SLC25A48: variants seen among roughly 807,000 people sequenced by gnomAD.
SLC25A48 encodes the protein solute carrier family 25 member 48, also known as CTC-321K16.1.
A neutral mutation model predicts 32.2 loss-of-function variants in SLC25A48; 29 were observed. The observed-to-expected ratio is 0.90, with a 90% CI of 0.67 to 1.23. The LOEUF (loss-of-function observed/expected upper bound fraction) is 1.23. Ranked by LOEUF, SLC25A48 falls within the 50% of genes most tolerant of loss-of-function variation. The probability of loss-of-function intolerance (pLI) is 0.00; values close to 1 mark genes in which losing one functional copy is unlikely to be tolerated. For missense variants in SLC25A48, 399 were observed against 422.7 expected (o/e 0.94, Z 0.49); for synonymous variants, 164 against 172.3 (o/e 0.95, Z 0.38).
intron 4 of SLC25A48, 126 bp from the exon 5 acceptor site, chr5:135,871,335 T>G: frequency 8.4e-7 from 1 of 1,186,760 alleles, no homozygotes; most frequent in Non-Finnish European, 1.2e-6. Flanking sequence ...GAAGGTCAGA[T>G]TTGGTAAAAG....
chr5:135,692,101 A>G (rs1429860026), intron 3 of SLC25A48, among the ~76,000 whole-genome samples: 1 of 152,146 alleles, frequency 6.6e-6, no homozygotes, highest in African/African-American at 2.4e-5. Context: ...GCGGATCCTG[A>G]GGTCAGGAGA....
At position 135,612,519 on chromosome 5, in the gene SLC25A48, A is replaced by G. The variant is rs1029940053; in HGVS notation, c.-848-16718A>G. ...TGTCCCCATTGACCCACCTCTTTTCATCTCTCCACCCCTGCCCTGCCACGT... is the reference window on the plus strand; with the variant it reads ...TGTCCCCATTGACCCACCTCTTTTCGTCTCTCCACCCCTGCCCTGCCACGT... On this transcript the variant is annotated intron_variant, in intron 1 of 10. Coordinates refer to the SLC25A48 transcript ENST00000646290. Among the ~76,000 whole-genome samples the G allele has an allele frequency of 1.5e-4, 23 of 151,948 alleles. No individual in the cohort carries two copies. In the Middle Eastern group the frequency reaches 0.01, roughly 68 times the overall value.
chr5:135,843,562 G>A (rs372224824), intron 2 of SLC25A48, among the ~76,000 whole-genome samples: 2 of 152,202 alleles, frequency 1.3e-5, no homozygotes, highest in Admixed American at 6.5e-5. Context: ...AATAACACAA[G>A]GTGATGGCAA....
At chr5:135,674,180 C>T (rs536952006) in intron 3 of SLC25A48, among the ~76,000 whole-genome samples, 2 of 152,038 alleles carry the variant, frequency 1.3e-5, no homozygotes, top group Non-Finnish European at 2.9e-5. Flanking sequence ...TTACAAGGTA[C>T]ATGTGATATT....
intron 3 of SLC25A48, among the ~76,000 whole-genome samples, chr5:135,782,638 A>T (rs7380516): frequency 0.51 from 58,170 of 114,352 alleles, 22,159 homozygotes; most frequent in Middle Eastern, 0.68. Flanking sequence ...CCCACTATCG[A>T]AAAGGCTGTA....
At chr5:135,683,318 G>A (rs570675783) in intron 3 of SLC25A48, among the ~76,000 whole-genome samples, 34 of 152,298 alleles carry the variant, frequency 2.2e-4, no homozygotes, top group Admixed American at 1.5e-3. Flanking sequence ...CAGTGTGGCA[G>A]GGACCAAAAT....
At chr5:135,663,997 C>T (rs569231672) in intron 3 of SLC25A48, among the ~76,000 whole-genome samples, 1 of 152,290 alleles carries the variant, frequency 6.6e-6, no homozygotes, top group African/African-American at 2.4e-5. Flanking sequence ...TGTGGGAAGC[C>T]TCAGGGTGTC....
chr5:135,693,475 G>C (rs1754192418), intron 3 of SLC25A48, among the ~76,000 whole-genome samples: 2 of 152,242 alleles, frequency 1.3e-5, no homozygotes, highest in South Asian at 4.1e-4. Flanking sequence ...AGAAGAGGAA[G>C]ATGCGGTGGT....
chr5:135,880,305 G>A lies in SLC25A48; in HGVS notation c.*7+208G>A, dbSNP rs116272218. 5.3e-4 allele frequency among the ~76,000 whole-genome samples: 80 copies of A among 152,114 alleles called. 1 individual carries two copies. Among genetic ancestry groups the A allele is most frequent in the African/African-American group, 1.8e-3 (75 of 41,500 alleles). ...GACTGGTGGTGTGCTGGGTCCCCAG[G>A]GACCAAGTCTGGCACAGAATATACC... On this transcript the variant is annotated intron_variant, in intron 7 of 7. Coordinates refer to ENST00000681962, the MANE Select transcript of SLC25A48 (RefSeq NM_001349336.2).
At chr5:135,719,000 C>T (rs145707754) in intron 3 of SLC25A48, among the ~76,000 whole-genome samples, 1 of 152,062 alleles carries the variant, frequency 6.6e-6, no homozygotes, top group South Asian at 2.1e-4. Context: ...GTTTGAAGAT[C>T]GGTGGATTGC....
chr5:135,812,454 T>C (rs1314087326), intron 3 of SLC25A48: 1 of 152,178 alleles, frequency 6.6e-6, no homozygotes, highest in African/African-American at 2.4e-5. Flanking sequence ...TGGTGATAGG[T>C]GGGATTGTGA....
In SLC25A48 at chr5:135,834,711, T is replaced by C. The variant is rs1758348701; in HGVS notation, c.-137T>C. On this transcript the variant is annotated 5_prime_UTR_variant, in exon 1 of 8. Transcript: ENST00000681962. ...CCCGCGCAGCCGGTGACTGGGGGACTGGGTTTGGAGTAGGACCTGCGGCGT... is the reference window on the plus strand; with the variant it reads ...CCCGCGCAGCCGGTGACTGGGGGACCGGGTTTGGAGTAGGACCTGCGGCGT... 3 of 929,590 alleles carry C rather than the reference T, an allele frequency of 3.2e-6. No homozygotes were observed. In the South Asian group the frequency reaches 5.7e-5, roughly 18 times the overall value. 57.6% of individuals were successfully genotyped at this position (929,590 alleles called of 1,614,324 possible).
chr5:135,802,469 G>T (rs559745961), intron 3 of SLC25A48, among the ~76,000 whole-genome samples: 2 of 151,640 alleles, frequency 1.3e-5, no homozygotes, highest in Admixed American at 6.6e-5. Context: ...ATCACAGTGG[G>T]TGTACACCAT....
intron 3 of SLC25A48, among the ~76,000 whole-genome samples, chr5:135,745,702 A>G (rs7379050): frequency 0.68 from 102,757 of 152,028 alleles, 37,350 homozygotes; most frequent in Middle Eastern, 0.83. Flanking sequence ...ACGTGTTTAT[A>G]TTTCCCCTGT....
At chr5:135,585,243 C>T (rs556330363) in intron 1 of SLC25A48, among the ~76,000 whole-genome samples, 143 of 152,352 alleles carry the variant, frequency 9.4e-4, no homozygotes, top group Middle Eastern at 6.8e-3. Flanking sequence ...GCCTCTCTCA[C>T]CAGCCCTGTT....
intron 3 of SLC25A48, among the ~76,000 whole-genome samples, chr5:135,775,385 G>A (rs1367624937): frequency 6.6e-6 from 1 of 151,588 alleles, no homozygotes; most frequent in Non-Finnish European, 1.5e-5. Context: ...TCAAGTGGGG[G>A]AGAGGATGAC....
chr5:135,658,387 G>C (rs1753305207), intron 3 of SLC25A48, among the ~76,000 whole-genome samples: 1 of 152,192 alleles, frequency 6.6e-6, no homozygotes, highest in Non-Finnish European at 1.5e-5. Context: ...CTGATGCTAA[G>C]GGTGGGCTCC....
intron 3 of SLC25A48, among the ~76,000 whole-genome samples, chr5:135,722,672 T>A (rs1027089341): frequency 1.3e-5 from 2 of 152,220 alleles, no homozygotes; most frequent in African/African-American, 4.8e-5. Flanking sequence ...GAGGGTTGAA[T>A]TGAATAACGC....
intron 3 of SLC25A48, among the ~76,000 whole-genome samples, chr5:135,782,576 C>A (rs1450454512): frequency 8.6e-6 from 1 of 116,408 alleles, no homozygotes; most frequent in Non-Finnish European, 2.1e-5. Context: ...GGGTGGTTAA[C>A]CCACCCTGTG....
Sources: gnomAD v4.1 joint callset for allele counts (sites outside exome capture counted in the v4.1 genomes callset) on GRCh38, gnomAD v4.1.1 for gene constraint, MANE v1.5 for transcripts, NCBI Gene and HGNC (gene_info 2026-07-23, HGNC 2026-07-21) for gene names.